The following ZRANB3 variants were observed in gnomAD, a reference collection of about 807,000 sequenced individuals.
ZRANB3 encodes DNA annealing helicase and endonuclease ZRANB3.
Under a neutral mutation model 133.8 loss-of-function variants are expected in ZRANB3, and 125 were observed. That is an observed-to-expected ratio of 0.93 (90% CI 0.81 to 1.08). The LOEUF (loss-of-function observed/expected upper bound fraction) is 1.08, where lower values mean the gene tolerates loss of function less well. Ranked by LOEUF, ZRANB3 falls within the 50% of genes least tolerant of loss-of-function variation. The pLI is 0.00. For missense variants in ZRANB3, 1,229 were observed against 1,275.5 expected (o/e 0.96, Z 0.56); for synonymous variants, 387 against 432.7 (o/e 0.89, Z 1.31).
intron 6 of ZRANB3, among the ~76,000 whole-genome samples, chr2:135,344,193 G>C (rs1305027283): frequency 6.6e-6 from 1 of 152,222 alleles, no homozygotes; most frequent in African/African-American, 2.4e-5. Flanking sequence ...TTTTTGAGCT[G>C]AAGAAACTGA....
At chr2:135,389,167 G>A (rs1217444982) in intron 3 of ZRANB3, among the ~76,000 whole-genome samples, 3 of 152,120 alleles carry the variant, frequency 2.0e-5, no homozygotes, top group Non-Finnish European at 4.4e-5. Context: ...TCTGTTTATT[G>A]TTTCCCAAAT....
At chr2:135,301,336 C>A (rs1192127695) in intron 8 of ZRANB3, among the ~76,000 whole-genome samples, 1 of 152,008 alleles carries the variant, frequency 6.6e-6, no homozygotes, top group Admixed American at 6.6e-5. Context: ...TAGGCACGCA[C>A]CACCATGCCC....
intron 12 of ZRANB3, among the ~76,000 whole-genome samples, chr2:135,250,298 T>C (rs550018227): frequency 1.3e-5 from 2 of 152,300 alleles, no homozygotes; most frequent in African/African-American, 4.8e-5. Flanking sequence ...TGGGTGCTGT[T>C]AAAGGCATTC....
chr2:135,481,098 A>G (rs1159883833), intron 2 of ZRANB3, among the ~76,000 whole-genome samples: 1 of 152,010 alleles, frequency 6.6e-6, no homozygotes, highest in African/African-American at 2.4e-5. Context: ...TCTTTATAGC[A>G]GCATGATTTA....
intron 14 of ZRANB3, among the ~76,000 whole-genome samples, chr2:135,226,218 G>A (rs1694756607): frequency 6.6e-6 from 1 of 152,166 alleles, no homozygotes; most frequent in Non-Finnish European, 1.5e-5. Context: ...TCTCTTTTCA[G>A]TGTTGCCATG....
At chr2:135,399,667 T>C (rs981142531) in intron 2 of ZRANB3, among the ~76,000 whole-genome samples, 1 of 152,210 alleles carries the variant, frequency 6.6e-6, no homozygotes, top group Admixed American at 6.5e-5. Flanking sequence ...AAATATTTAG[T>C]ATTGCTTAGT....
chr2:135,477,474 C>T (rs1003844088), intron 2 of ZRANB3, among the ~76,000 whole-genome samples: 2 of 152,196 alleles, frequency 1.3e-5, no homozygotes, highest in South Asian at 2.1e-4. Context: ...ATCCTGCCTG[C>T]GGCCCCTCTT....
intron 1 of ZRANB3, among the ~76,000 whole-genome samples, chr2:135,517,527 C>G (rs895027410): frequency 1.3e-5 from 2 of 152,194 alleles, no homozygotes; most frequent in Non-Finnish European, 2.9e-5. Flanking sequence ...AACAGTCAGG[C>G]CCCTCTGCTG....
At chr2:135,530,298 A>T (rs1397698520) in intron 1 of ZRANB3, among the ~76,000 whole-genome samples, 1 of 152,156 alleles carries the variant, frequency 6.6e-6, no homozygotes, top group African/African-American at 2.4e-5. Flanking sequence ...CGAAGACTAA[A>T]GGCAGTAGAG....
chr2:135,454,684 T>C (rs1463608240), intron 2 of ZRANB3, among the ~76,000 whole-genome samples: 2 of 152,154 alleles, frequency 1.3e-5, no homozygotes, highest in South Asian at 2.1e-4. Flanking sequence ...GTGAGAACAT[T>C]TGGTATTTAG....
chr2:135,311,409 T>C (rs188817652), intron 8 of ZRANB3, among the ~76,000 whole-genome samples: 1 of 152,170 alleles, frequency 6.6e-6, no homozygotes, highest in Non-Finnish European at 1.5e-5. Context: ...CAGTTTTTTT[T>C]ATCAAGTTAA....
chr2:135,423,430 A>AAAAAAAT (rs747467278), intron 2 of ZRANB3, among the ~76,000 whole-genome samples: 7 of 152,178 alleles, frequency 4.6e-5, no homozygotes, highest in African/African-American at 1.2e-4. Context: ...ACCCTGTCTC[A>AAAAAAAT]AAAAAATAAA....
rs182870936 is a variant in ZRANB3, at chr2:135,506,460, G to A, written c.-7-1964C>T. 2.4e-4 allele frequency among the ~76,000 whole-genome samples: 37 copies of A among 152,184 alleles called. No homozygotes were observed. In the East Asian group the frequency reaches 3.5e-3, roughly 14 times the overall value. On this transcript the variant is annotated intron_variant, in intron 1 of 20. Coordinates refer to ENST00000264159, the MANE Select transcript of ZRANB3 (RefSeq NM_032143.4). ...GGGAACGGTGTAAGATGAAGCTACC[G>A]AGATAAACAAGAGCCAAATCATATA...
intron 2 of ZRANB3, among the ~76,000 whole-genome samples, chr2:135,402,657 G>C (rs1442291570): frequency 6.6e-6 from 1 of 151,562 alleles, no homozygotes; most frequent in Non-Finnish European, 1.5e-5. Context: ...TGCGATCTTA[G>C]CTCACTGCAA....
In ZRANB3 at chr2:135,200,859, A is replaced by G. The variant is rs375396466; in HGVS notation, c.3142-419T>C. On this transcript the variant is annotated intron_variant, in intron 20 of 20. Coordinates refer to ENST00000264159, the MANE Select transcript of ZRANB3 (RefSeq NM_032143.4). ...CAACCTCCGCCCCACAGGTTCAAGC[A>G]ATTCTCCAGCCTCAGCCTCCAGAGT... is the stretch of plus-strand genomic sequence containing the variant. Among the ~76,000 whole-genome samples the G allele has an allele frequency of 2.0e-5, 3 of 151,152 alleles. No individual in the cohort carries two copies. In the East Asian group the frequency reaches 5.8e-4, roughly 29 times the overall value.
intron 11 of ZRANB3, among the ~76,000 whole-genome samples, chr2:135,268,683 C>T (rs569571801): frequency 1.3e-5 from 2 of 152,228 alleles, no homozygotes; most frequent in South Asian, 2.1e-4. Context: ...TGAAACATTA[C>T]GTTTCCTTGC....
At position 135,276,004 on chromosome 2, in the gene ZRANB3, C is replaced by T. The variant is rs1044466198; in HGVS notation, c.967-249G>A. On this transcript the variant is annotated intron_variant, in intron 8 of 20. Coordinates refer to ENST00000264159, the MANE Select transcript of ZRANB3 (RefSeq NM_032143.4). The stretch of plus-strand genomic sequence containing the variant: ...AAGAATTAGAAGAATTAAAAAACAA[C>T]ACAACAATGGGTTTCAATGGAAAGG... 9.2e-5 allele frequency among the ~76,000 whole-genome samples: 14 copies of T among 152,088 alleles called. No homozygotes were observed. The East Asian group carries it at 2.3e-3, about 25-fold the overall frequency.
Position 135,198,215 on chromosome 2 carries a change from G to A in ZRANB3, c.*2127C>T, listed in dbSNP as rs1004587202. ...TCCCATTTGCAATACATAGTGGGGAGCTTCTGTTTCAGATTGTGAGGAGGA... is the reference window on the plus strand; with the variant it reads ...TCCCATTTGCAATACATAGTGGGGAACTTCTGTTTCAGATTGTGAGGAGGA... On this transcript the variant is annotated 3_prime_UTR_variant, in exon 21 of 21. Transcript: ENST00000264159. The A allele has an allele frequency of 6.6e-6, 1 of 152,114 alleles. No homozygotes were observed. The highest frequency in any genetic ancestry group is 1.5e-5 in the Non-Finnish European group (1 of 68,050). The allele number at this position is 152,114 out of a possible 1,614,324, so 9.4% of individuals were successfully genotyped here.
At chr2:135,276,327 T>A (rs1289741644) in intron 8 of ZRANB3, among the ~76,000 whole-genome samples, 1 of 149,800 alleles carries the variant, frequency 6.7e-6, no homozygotes, top group East Asian at 2.0e-4. Context: ...GGAAATGAGG[T>A]CATTTAGCTT....
Sources: gnomAD v4.1 joint callset for allele counts (sites outside exome capture counted in the v4.1 genomes callset) on GRCh38, gnomAD v4.1.1 for gene constraint, MANE v1.5 for transcripts, NCBI Gene and HGNC (gene_info 2026-07-23, HGNC 2026-07-21) for gene names.